Variants in FRMD6 observed in about 807,000 individuals in gnomAD.
FRMD6 encodes the protein FERM domain-containing protein 6.
Under a neutral mutation model 73.2 loss-of-function variants are expected in FRMD6, and 37 were observed. The observed-to-expected ratio is 0.51, with a 90% CI of 0.39 to 0.66. The LOEUF is 0.66. Among genes scored for constraint, FRMD6 ranks in the 30% least tolerant of loss-of-function variants. FRMD6 has a pLI of 0.00. For synonymous variants in FRMD6, 273 were observed against 282.2 expected (o/e 0.97, Z 0.33); for missense variants, 714 against 780.5 (o/e 0.91, Z 1.02).
At chr14:51,700,396 T>A (rs1211232682) in intron 3 of FRMD6, among the ~76,000 whole-genome samples, 4 of 152,040 alleles carry the variant, frequency 2.6e-5, no homozygotes, top group Non-Finnish European at 5.9e-5. Context: ...ATGAGCATCA[T>A]CCCCTGGAAG....
At chr14:51,408,569 T>C in the FRMD6 span, among the ~76,000 whole-genome samples, 1 of 152,204 alleles carries the variant, frequency 6.6e-6, no homozygotes, top group East Asian at 1.9e-4. Flanking sequence ...TCAGATAGGC[T>C]TAGTCATTTT....
chr14:51,402,619 T>C, the FRMD6 span, among the ~76,000 whole-genome samples: 2 of 150,176 alleles, frequency 1.3e-5, no homozygotes, highest in African/African-American at 4.9e-5. Flanking sequence ...TGCCCAGTCT[T>C]GGGTATATCT....
the FRMD6 span, among the ~76,000 whole-genome samples, chr14:51,410,641 C>T: frequency 4.1e-4 from 63 of 152,268 alleles, 3 homozygotes; most frequent in East Asian, 0.011. Context: ...ACTTTAGAAA[C>T]ATTTTAGAAT....
chr14:51,721,209 G>A (rs1388464975), intron 11 of FRMD6, among the ~76,000 whole-genome samples: 1 of 152,160 alleles, frequency 6.6e-6, no homozygotes, highest in Non-Finnish European at 1.5e-5. Context: ...GTTTCGGTTT[G>A]TCCTTTGTCA....
intron 2 of FRMD6, among the ~76,000 whole-genome samples, chr14:51,596,897 C>G (rs1180660924): frequency 6.6e-6 from 1 of 152,206 alleles, no homozygotes; most frequent in Non-Finnish European, 1.5e-5. Context: ...TACGTGGGGT[C>G]CTCAGATCTG....
chr14:51,722,180 A>C (rs1432231714), intron 12 of FRMD6, 100 bp downstream of exon 12: 2 of 1,259,184 alleles, frequency 1.6e-6, no homozygotes, highest in Non-Finnish European at 2.3e-6. Flanking sequence ...GGGGCCCTAG[A>C]CCAGAGACTG....
At chr14:51,514,646 TA>T (rs1460141499) in intron 1 of FRMD6, among the ~76,000 whole-genome samples, 2 of 152,162 alleles carry the variant, frequency 1.3e-5, no homozygotes, top group African/African-American at 2.4e-5. Context: ...TCAGGAGTTC[TA>T]GACCAGCCTG....
chr14:51,425,491 C>T, the FRMD6 span, among the ~76,000 whole-genome samples: 1 of 152,162 alleles, frequency 6.6e-6, no homozygotes, highest in East Asian at 1.9e-4. Flanking sequence ...TGCTTGATAT[C>T]TTCTTCTGGG....
At chr14:51,622,445 A>G (rs1890960507) in intron 2 of FRMD6, among the ~76,000 whole-genome samples, 1 of 152,202 alleles carries the variant, frequency 6.6e-6, no homozygotes, top group South Asian at 2.1e-4. Flanking sequence ...GAAGGAGCTG[A>G]GGGTCACCTA....
chr14:51,570,892 A>G (rs1888099741), intron 2 of FRMD6, among the ~76,000 whole-genome samples: 1 of 152,234 alleles, frequency 6.6e-6, no homozygotes. Flanking sequence ...CAAACATACT[A>G]TCTTTGTGAC....
intron 2 of FRMD6, chr14:51,637,456 T>TAC (rs1166274234): frequency 1.3e-4 from 16 of 118,776 alleles, no homozygotes; most frequent in African/African-American, 4.8e-4. Flanking sequence ...ACATTGTTGA[T>TAC]ACACACAGGC....
chr14:51,689,835 C>A lies in FRMD6; in HGVS notation c.-2C>A. The A allele has an allele frequency of 6.2e-7, 1 of 1,605,428 alleles. No individual in the cohort carries two copies. Among genetic ancestry groups the A allele is most frequent in the Non-Finnish European group, 8.5e-7 (1 of 1,173,358 alleles). ...CCTGACCACCAGAGTGCCCAAAACA[C>A]AATGAACAAATTGAATTTTCATAAC... On this transcript the variant is annotated 5_prime_UTR_variant, in exon 2 of 14. Transcript: ENST00000344768.
intron 1 of FRMD6, among the ~76,000 whole-genome samples, chr14:51,550,582 C>CG (rs960825048): frequency 2.7e-5 from 4 of 150,356 alleles, no homozygotes; most frequent in South Asian, 2.1e-4. Context: ...GGGAGGAGAC[C>CG]CCCCCGCCAT....
intron 6 of FRMD6, 34 bp from the exon 7 acceptor site, chr14:51,708,044 A>G: frequency 6.2e-7 from 1 of 1,607,078 alleles, no homozygotes; most frequent in Non-Finnish European, 8.5e-7. Flanking sequence ...CTCTCCAACA[A>G]ATGTTGCATT....
At chr14:51,525,899 G>A (rs750553290) in intron 1 of FRMD6, among the ~76,000 whole-genome samples, 34 of 152,282 alleles carry the variant, frequency 2.2e-4, no homozygotes, top group Middle Eastern at 3.4e-3. Flanking sequence ...GTCCTTTGAA[G>A]AAGATGAATG....
At chr14:51,449,172 A>G in the FRMD6 span, among the ~76,000 whole-genome samples, 1 of 152,210 alleles carries the variant, frequency 6.6e-6, no homozygotes, top group Admixed American at 6.5e-5. Context: ...GTCACAGTCC[A>G]GAAAAGATAT....
At chr14:51,584,371 A>G (rs1174223854) in intron 2 of FRMD6, 1 of 152,194 alleles carries the variant, frequency 6.6e-6, no homozygotes, top group African/African-American at 2.4e-5. Flanking sequence ...GGGCTCAGTG[A>G]AAACAGTAGA....
upstream of FRMD6, among the ~76,000 whole-genome samples, chr14:51,484,489 A>G (rs1193671638): frequency 6.6e-6 from 1 of 152,012 alleles, no homozygotes; most frequent in East Asian, 1.9e-4. Context: ...ACGAACAAGA[A>G]AACTTCACTA....
intron 11 of FRMD6, among the ~76,000 whole-genome samples, chr14:51,721,577 C>A (rs1345296716): frequency 6.6e-6 from 1 of 151,410 alleles, no homozygotes; most frequent in Non-Finnish European, 1.5e-5. Flanking sequence ...ACCACTCCAG[C>A]CTGGTGACAG....
Sources: gnomAD v4.1 joint callset for allele counts (sites outside exome capture counted in the v4.1 genomes callset) on GRCh38, gnomAD v4.1.1 for gene constraint, MANE v1.5 for transcripts, NCBI Gene and HGNC (gene_info 2026-07-23, HGNC 2026-07-21) for gene names.